Variants in RNF144B observed in about 807,000 individuals in gnomAD.
RNF144B encodes ring finger protein 144B.
Under a neutral mutation model 40.2 loss-of-function variants are expected in RNF144B, and 25 were observed. The ratio of observed to expected loss-of-function variants is 0.62; its 90% CI spans 0.45 to 0.87. The LOEUF is 0.87. Among genes scored for constraint, RNF144B ranks in the 40% least tolerant of loss-of-function variants. The pLI, the probability that RNF144B is intolerant of heterozygous loss-of-function variation, is 0.00. For missense variants in RNF144B, 365 were observed against 373.7 expected, an observed-to-expected ratio of 0.98 and a Z score of 0.19; for synonymous variants, 145 against 136.3, an observed-to-expected ratio of 1.06 and a Z score of -0.44.
At position 18,412,493 on chromosome 6, in the gene RNF144B, A is replaced by G. The variant is rs1321948587; in HGVS notation, c.165+12794A>G. ...TGGGCCATATCTAGAAAAGTATATT[A>G]CACATAGAAGACATGAATGAATGAA... On this transcript the variant is annotated intron_variant, in intron 2 of 7. Coordinates refer to ENST00000259939, the MANE Select transcript of RNF144B (RefSeq NM_182757.4). The surrounding 1 kb of genome is among the most constrained non-coding windows in gnomAD (Gnocchi z 4.2). 6.6e-6 allele frequency among the ~76,000 whole-genome samples: 1 copy of G among 152,224 alleles called. No homozygotes were observed.
chr6:18,452,310 A>G (rs2113529334), intron 4 of RNF144B, among the ~76,000 whole-genome samples: 1 of 152,308 alleles, frequency 6.6e-6, no homozygotes, highest in South Asian at 2.1e-4. Context: ...AAATGAATAG[A>G]CAGCAGCAAT....
chr6:18,459,022 G>T lies in RNF144B; in HGVS notation c.537-585G>T, dbSNP rs543703349. Among the ~76,000 whole-genome samples, 26 of 152,318 alleles carry T rather than the reference G, an allele frequency of 1.7e-4. No homozygotes were observed. In the South Asian group the frequency reaches 5.2e-3, roughly 30 times the overall value. On this transcript the variant is annotated intron_variant, in intron 5 of 7. Coordinates refer to ENST00000259939, the MANE Select transcript of RNF144B (RefSeq NM_182757.4). The surrounding 1 kb of genome is among the most constrained non-coding windows in gnomAD (Gnocchi z 4.2). ...AGATTTGACAACACTCTGTGAGTTG[G>T]ATATCTCTGTGTGCTGGGTGGTGGT...
chr6:18,411,499 T>A (rs9358163), intron 2 of RNF144B, among the ~76,000 whole-genome samples: 48 of 75,494 alleles, frequency 6.4e-4, no homozygotes, highest in East Asian at 7.8e-4. Context: ...ATATATATAT[T>A]TTTTTTTTTT....
At chr6:18,430,072 A>G (rs2113502584) in intron 3 of RNF144B, among the ~76,000 whole-genome samples, 1 of 149,694 alleles carries the variant, frequency 6.7e-6, no homozygotes, top group South Asian at 2.1e-4. Flanking sequence ...TGAAATTTCA[A>G]AAAAAGTCCA....
intron 1 of RNF144B, chr6:18,396,661 A>C (rs1436307546): frequency 3.0e-6 from 3 of 985,290 alleles, no homozygotes; most frequent in Non-Finnish European, 3.6e-6. Context: ...TGAAAGAAAG[A>C]TAATTCAGAA....
chr6:18,444,207 A>G lies in RNF144B; in HGVS notation c.331+4463A>G, dbSNP rs1364795678. On this transcript the variant is annotated intron_variant, in intron 4 of 7. Transcript: ENST00000259939. The surrounding 1 kb of genome is among the most constrained non-coding windows in gnomAD (Gnocchi z 4.3). ...ATCATCCTCCTGCTTACACGAAGCA[A>G]AGAAATACTATCTGATATTGGTTGG... Among the ~76,000 whole-genome samples, 1 of 152,198 alleles carries G rather than the reference A, an allele frequency of 6.6e-6. No homozygotes were observed. The highest frequency in any genetic ancestry group is 1.9e-4 in the East Asian group (1 of 5,206).
At chr6:18,428,091 G>C (rs145027515) in intron 3 of RNF144B, among the ~76,000 whole-genome samples, 29 of 152,248 alleles carry the variant, frequency 1.9e-4, no homozygotes, top group East Asian at 1.4e-3. Context: ...TGCTGTTCTC[G>C]TGATAGTGCG....
rs767700750 is a variant in RNF144B, at chr6:18,413,721, G to A, written c.166-13860G>A. ...GTTCTTAAGAGGACCTCAGTCTGAC[G>A]GTTGTTTCCAAGTGATTCTTCTGTG... On this transcript the variant is annotated intron_variant, in intron 2 of 7. Transcript: ENST00000259939. Among the ~76,000 whole-genome samples the A allele has an allele frequency of 2.2e-4, 33 of 152,350 alleles. 1 individual carries two copies. The highest frequency in any genetic ancestry group is 2.5e-4 in the Non-Finnish European group (17 of 68,026).
Position 18,408,186 on chromosome 6 carries a change from T to C in RNF144B, c.165+8487T>C, listed in dbSNP as rs138511998. 5.0e-3 allele frequency among the ~76,000 whole-genome samples: 757 copies of C among 152,128 alleles called. 5 individuals carry two copies. Among genetic ancestry groups the C allele is most frequent in the African/African-American group, 0.017 (702 of 41,498 alleles). ...TTTTAATAGAGATGGGGTTTCACCA[T>C]GTTGGTCAGCCTGGTCTGGAACTCC... is the stretch of plus-strand genomic sequence containing the variant. On this transcript the variant is annotated intron_variant, in intron 2 of 7. Coordinates refer to ENST00000259939, the MANE Select transcript of RNF144B (RefSeq NM_182757.4).
intron 1 of RNF144B, among the ~76,000 whole-genome samples, chr6:18,391,529 C>G (rs888025764): frequency 6.6e-6 from 1 of 152,058 alleles, no homozygotes; most frequent in Non-Finnish European, 1.5e-5. Context: ...TGGGCCTTAC[C>G]CTGTAGGGTA....
chr6:18,402,749 C>G (rs1201393344), intron 2 of RNF144B, among the ~76,000 whole-genome samples: 1 of 152,110 alleles, frequency 6.6e-6, no homozygotes, highest in African/African-American at 2.4e-5. Context: ...AAATAACATC[C>G]AGGGAAAGGA....
chr6:18,464,201 AT>A lies in RNF144B; in HGVS notation c.772-723del, dbSNP rs766619481. On this transcript the variant is annotated intron_variant, in intron 7 of 7. Transcript: ENST00000259939. The surrounding 1 kb of genome is among the most constrained non-coding windows in gnomAD (Gnocchi z 6.1). ...TTTTTAATTTTTAATAGTGTTTTAT[AT>A]TTATTAAAGGCGGTATTCCTTTGGA... Among the ~76,000 whole-genome samples the A allele has an allele frequency of 6.6e-6, 1 of 152,160 alleles. No individual in the cohort carries two copies. Among genetic ancestry groups the A allele is most frequent in the Non-Finnish European group, 1.5e-5 (1 of 68,026 alleles).
intron 2 of RNF144B, among the ~76,000 whole-genome samples, chr6:18,415,736 A>G (rs1036673488): frequency 6.6e-5 from 10 of 151,850 alleles, no homozygotes; most frequent in African/African-American, 2.4e-4. Context: ...TGAGTACTCA[A>G]TGTGTTTGCT....
intron 4 of RNF144B, among the ~76,000 whole-genome samples, chr6:18,452,375 G>A (rs556025278): frequency 7.7e-4 from 118 of 152,290 alleles, no homozygotes; most frequent in African/African-American, 2.6e-3. Context: ...GTGCACAATA[G>A]AAGGTAGTTC....
chr6:18,402,754 A>G (rs1269107953), intron 2 of RNF144B, among the ~76,000 whole-genome samples: 2 of 152,200 alleles, frequency 1.3e-5, no homozygotes, highest in Non-Finnish European at 2.9e-5. Flanking sequence ...ACATCCAGGG[A>G]AAGGAATGTG....
intron 2 of RNF144B, among the ~76,000 whole-genome samples, chr6:18,424,366 T>G (rs1210548057): frequency 1.3e-5 from 2 of 152,188 alleles, no homozygotes; most frequent in Non-Finnish European, 2.9e-5. Flanking sequence ...CCCACACTGA[T>G]GGAATGTCAA....
intron 3 of RNF144B, among the ~76,000 whole-genome samples, chr6:18,431,843 C>G (rs1383702461): frequency 6.6e-6 from 1 of 152,172 alleles, no homozygotes; most frequent in East Asian, 1.9e-4. Context: ...TGGCTGTGCT[C>G]CATGTACCTG....
rs1794917416 is a variant in RNF144B, at chr6:18,406,677, G to T, written c.165+6978G>T. ...GAAAACTGATGTCCCAGCTCAGGCAGTCAGGCAGGGAGACGAATTCTTTCC... is the reference window on the plus strand; with the variant it reads ...GAAAACTGATGTCCCAGCTCAGGCATTCAGGCAGGGAGACGAATTCTTTCC... On this transcript the variant is annotated intron_variant, in intron 2 of 7. Coordinates refer to ENST00000259939, the MANE Select transcript of RNF144B (RefSeq NM_182757.4). The surrounding 1 kb of genome is among the most constrained non-coding windows in gnomAD (Gnocchi z 4.2). Among the ~76,000 whole-genome samples the T allele has an allele frequency of 6.6e-6, 1 of 152,102 alleles. No individual in the cohort carries two copies. The highest frequency in any genetic ancestry group is 2.1e-4 in the South Asian group (1 of 4,816).
Position 18,406,952 on chromosome 6 carries a change from A to C in RNF144B, c.165+7253A>C, listed in dbSNP as rs1377596540. Among the ~76,000 whole-genome samples the C allele has an allele frequency of 6.6e-6, 1 of 152,174 alleles. No individual in the cohort carries two copies. Among genetic ancestry groups the C allele is most frequent in the Non-Finnish European group, 1.5e-5 (1 of 68,042 alleles). ...AAGCAGCCACGTCTTACATAGTAGC[A>C]GGCGAGAAAGAGAGCACCACACTTA... On this transcript the variant is annotated intron_variant, in intron 2 of 7. Coordinates refer to ENST00000259939, the MANE Select transcript of RNF144B (RefSeq NM_182757.4). This position sits in a 1 kb window ranked among gnomAD's most constrained non-coding sequence, Gnocchi z 4.2.
Sources: gnomAD v4.1 joint callset for allele counts (sites outside exome capture counted in the v4.1 genomes callset) on GRCh38, gnomAD v4.1.1 for gene constraint, Gnocchi (gnomAD v3.1) non-coding constraint, MANE v1.5 for transcripts, NCBI Gene and HGNC (gene_info 2026-07-23, HGNC 2026-07-21) for gene names.